CHST11: variants seen among roughly 807,000 people sequenced by gnomAD.
CHST11 encodes C4S-1.
A neutral mutation model predicts 30.4 loss-of-function variants in CHST11; 9 were observed. The observed-to-expected ratio is 0.30, with a 90% confidence interval of 0.18 to 0.52. The LOEUF (loss-of-function observed/expected upper bound fraction) is 0.52. Ranked by LOEUF, CHST11 falls within the 20% of genes least tolerant of loss-of-function variation. CHST11 has a pLI of 0.97. For synonymous variants in CHST11, 152 were observed against 187.8 expected (o/e 0.81, Z 1.56); for missense variants, 348 against 460.6 (o/e 0.76, Z 2.24).
chr12:104,654,526 A>T lies in CHST11; in HGVS notation c.204+52535A>T, dbSNP rs185409209. 1.8e-4 allele frequency among the ~76,000 whole-genome samples: 28 copies of T among 152,234 alleles called. No individual in the cohort carries two copies. The East Asian group carries it at 4.3e-3, about 23-fold the overall frequency. On this transcript the variant is annotated intron_variant, in intron 2 of 2. Coordinates refer to ENST00000303694, the MANE Select transcript of CHST11 (RefSeq NM_018413.6). ...GGGTGGTCACTCCTGGGGTCCCTGG[A>T]TTCCCCATGGTGGTAATACACAGCA...
intron 1 of CHST11, among the ~76,000 whole-genome samples, chr12:104,489,218 G>A (rs1020953663): frequency 3.8e-4 from 57 of 151,930 alleles, no homozygotes; most frequent in African/African-American, 1.3e-3. Flanking sequence ...TGTATTTTTA[G>A]TAGAGATGGG....
chr12:104,505,098 G>A (rs2135977369), intron 1 of CHST11, among the ~76,000 whole-genome samples: 1 of 152,244 alleles, frequency 6.6e-6, no homozygotes, highest in East Asian at 1.9e-4. Context: ...TATTAGACTG[G>A]CTTCTGTAAT....
At chr12:104,534,682 G>A (rs977143526) in intron 1 of CHST11, among the ~76,000 whole-genome samples, 3 of 152,144 alleles carry the variant, frequency 2.0e-5, no homozygotes, top group Non-Finnish European at 2.9e-5. Context: ...GGTGCTGCAT[G>A]GTTTCTGGTG....
At chr12:104,518,616 C>T (rs1197939304) in intron 1 of CHST11, among the ~76,000 whole-genome samples, 1 of 152,100 alleles carries the variant, frequency 6.6e-6, no homozygotes, top group African/African-American at 2.4e-5. Flanking sequence ...GAGAAGAAAG[C>T]GAAGACTAGA....
rs113676249 is a variant in CHST11, at chr12:104,596,259, T to C, written c.119-5647T>C. Among the ~76,000 whole-genome samples the C allele has an allele frequency of 6.3e-3, 966 of 152,282 alleles. 13 individuals are homozygous for C. The highest frequency in any genetic ancestry group is 0.022 in the African/African-American group (918 of 41,536). On this transcript the variant is annotated intron_variant, in intron 1 of 2. Coordinates refer to ENST00000303694, the MANE Select transcript of CHST11 (RefSeq NM_018413.6). Reference sequence around the variant, plus strand: ...TGAATTTGTGCATTTGGAAAAAACGTTTCTGCAACTGCATTGCTGCTCTGC... The same window carrying C: ...TGAATTTGTGCATTTGGAAAAAACGCTTCTGCAACTGCATTGCTGCTCTGC...
At chr12:104,606,254 C>T (rs905527894) in intron 2 of CHST11, among the ~76,000 whole-genome samples, 5 of 151,190 alleles carry the variant, frequency 3.3e-5, no homozygotes, top group Non-Finnish European at 7.4e-5. Context: ...TACATGGTGG[C>T]GCCTCATTGG....
intron 2 of CHST11, among the ~76,000 whole-genome samples, chr12:104,730,679 G>A (rs931800177): frequency 2.0e-5 from 3 of 152,222 alleles, no homozygotes; most frequent in Admixed American, 1.3e-4. Flanking sequence ...TGGAGGGAAT[G>A]GCATATGAAA....
intron 1 of CHST11, among the ~76,000 whole-genome samples, chr12:104,511,301 A>G (rs557053209): frequency 2.0e-5 from 3 of 152,292 alleles, no homozygotes; most frequent in Non-Finnish European, 2.9e-5. Context: ...TGCATTGCTC[A>G]GGAAATTATG....
At position 104,457,519 on chromosome 12, in the gene CHST11, G is replaced by A; in HGVS notation, c.108G>A (p.Met36Ile). ...FILVIFYFQS[M>I]LHPVMRRNPF... ...TGGTCATCTTCTATTTCCAAAGTAT[G>A]TTGCACCCAGGTAGGGGGCGCGTTA... Residue 36 changes from methionine (M) to isoleucine (I), a missense_variant, in exon 1 of 3, where the codon ATG becomes ATA. Physicochemically the swap from Met to Ile is conservative, Grantham distance 10. Transcript: ENST00000303694. The A allele has an allele frequency of 6.2e-7, 1 of 1,611,386 alleles. No individual in the cohort carries two copies. The highest frequency in any genetic ancestry group is 1.1e-5 in the South Asian group (1 of 91,034).
intron 1 of CHST11, among the ~76,000 whole-genome samples, chr12:104,570,643 A>G (rs2038615046): frequency 6.6e-6 from 1 of 152,098 alleles, no homozygotes; most frequent in African/African-American, 2.4e-5. Context: ...TAGCAACAGT[A>G]TTAACAATTG....
At chr12:104,552,298 T>C (rs766606228) in intron 1 of CHST11, 1 of 152,332 alleles carries the variant, frequency 6.6e-6, no homozygotes, top group Non-Finnish European at 1.5e-5. Context: ...TTCTGTTTTT[T>C]GTATTTTTTG....
At position 104,604,202 on chromosome 12, in the gene CHST11, C is replaced by T. The variant is rs115604361; in HGVS notation, c.204+2211C>T. On this transcript the variant is annotated intron_variant, in intron 2 of 2. Transcript: ENST00000303694. ...CTCTTCCTTCCGGTAGTGTTCTGAG[C>T]ATTGTCTGGATGACAGGCCTATTGA... Among the ~76,000 whole-genome samples the T allele has an allele frequency of 7.3e-3, 1,110 of 152,228 alleles. 20 individuals carry two copies. The highest frequency in any genetic ancestry group is 0.026 in the African/African-American group (1,072 of 41,512).
chr12:104,468,843 T>C lies in CHST11; in HGVS notation c.118+11314T>C, dbSNP rs79822966. On this transcript the variant is annotated intron_variant, in intron 1 of 2. Coordinates refer to ENST00000303694, the MANE Select transcript of CHST11 (RefSeq NM_018413.6). Reference sequence around the variant, plus strand: ...AGTGAAGGTAGTAATGTTACCTCTTTTATGGGTGGCGGTGGTAAAGATTAA... The same window carrying C: ...AGTGAAGGTAGTAATGTTACCTCTTCTATGGGTGGCGGTGGTAAAGATTAA... Among the ~76,000 whole-genome samples the C allele has an allele frequency of 9.2e-3, 1,395 of 152,262 alleles. 37 individuals carry two copies. Among genetic ancestry groups the C allele is most frequent in the East Asian group, 0.071 (370 of 5,184 alleles).
At chr12:104,561,793 A>ATT (rs60344528) in intron 1 of CHST11, among the ~76,000 whole-genome samples, 20 of 142,014 alleles carry the variant, frequency 1.4e-4, no homozygotes, top group African/African-American at 2.8e-4. Context: ...TATTAGGTCC[A>ATT]TTTTTTTTTT....
chr12:104,574,905 G>T (rs1315310454), intron 1 of CHST11, among the ~76,000 whole-genome samples: 2 of 151,766 alleles, frequency 1.3e-5, no homozygotes, highest in Admixed American at 1.3e-4. Flanking sequence ...AAAAATGACT[G>T]TAGAGGCCGG....
At chr12:104,578,899 T>C (rs2038711089) in intron 1 of CHST11, among the ~76,000 whole-genome samples, 2 of 152,318 alleles carry the variant, frequency 1.3e-5, no homozygotes, top group Admixed American at 6.5e-5. Context: ...TCTTGTGACA[T>C]GCAGTTGTCT....
rs559661298 is a variant in CHST11, at chr12:104,576,100, A to G, written c.119-25806A>G. On this transcript the variant is annotated intron_variant, in intron 1 of 2. Transcript: ENST00000303694. The stretch of plus-strand genomic sequence containing the variant: ...TCCCAAGTACAGTATATCCATGTCA[A>G]CTTACTCACAGGCGTGATGGTGGTT... Among the ~76,000 whole-genome samples the G allele has an allele frequency of 7.2e-5, 11 of 151,926 alleles. No homozygotes were observed. In the East Asian group the frequency reaches 2.2e-3, roughly 30 times the overall value.
intron 2 of CHST11, among the ~76,000 whole-genome samples, chr12:104,743,330 C>T (rs570677276): frequency 6.6e-6 from 1 of 152,270 alleles, no homozygotes; most frequent in Non-Finnish European, 1.5e-5. Context: ...GTGAGCCTTC[C>T]TAACTGCACC....
At chr12:104,569,225 G>A (rs2038599193) in intron 1 of CHST11, among the ~76,000 whole-genome samples, 1 of 152,062 alleles carries the variant, frequency 6.6e-6, no homozygotes, top group African/African-American at 2.4e-5. Context: ...CTCTCAACTT[G>A]GTTATTCTGA....
Sources: gnomAD v4.1 joint callset for allele counts (sites outside exome capture counted in the v4.1 genomes callset) on GRCh38, gnomAD v4.1.1 for gene constraint, MANE v1.5 for transcripts, NCBI Gene and HGNC (gene_info 2026-07-23, HGNC 2026-07-21) for gene names.